Variants in FBXW8 observed in about 807,000 individuals in gnomAD.
FBXW8 encodes F-box/WD repeat-containing protein 8.
FBXW8 carries 57 observed loss-of-function variants against 65.3 expected under a neutral mutation model. The observed-to-expected ratio is 0.87, with a 90% CI of 0.71 to 1.09. FBXW8 has a LOEUF of 1.09. Among genes scored for constraint, FBXW8 ranks in the 50% least tolerant of loss-of-function variants. The probability of loss-of-function intolerance (pLI) is 0.00; values close to 1 mark genes in which losing one functional copy is unlikely to be tolerated. For missense variants in FBXW8, 777 were observed against 814.8 expected (o/e 0.95, Z 0.57); for synonymous variants, 308 against 330.2 (o/e 0.93, Z 0.73).
Position 116,947,044 on chromosome 12 carries a change from C to T in FBXW8, c.588+1516C>T, listed in dbSNP as rs182244386. 7.2e-5 allele frequency among the ~76,000 whole-genome samples: 11 copies of T among 152,144 alleles called. No individual in the cohort carries two copies. The East Asian group carries it at 1.9e-3, about 27-fold the overall frequency. On this transcript the variant is annotated intron_variant, in intron 3 of 10. Coordinates refer to ENST00000652555, the MANE Select transcript of FBXW8 (RefSeq NM_153348.3). ...AAAGCAGCAGCTGTGTTTTTTGCTTCCTCTTTGGTGATAGAGAAAGCAAGG... is the reference window on the plus strand; with the variant it reads ...AAAGCAGCAGCTGTGTTTTTTGCTTTCTCTTTGGTGATAGAGAAAGCAAGG...
chr12:116,917,002 C>A (rs545610412), intron 1 of FBXW8, among the ~76,000 whole-genome samples: 2 of 151,964 alleles, frequency 1.3e-5, no homozygotes, highest in Admixed American at 6.6e-5. Context: ...CTCAGAGTTA[C>A]AAGAGCAGCA....
chr12:117,023,459 C>T (rs977970824), intron 8 of FBXW8, among the ~76,000 whole-genome samples: 3 of 152,056 alleles, frequency 2.0e-5, no homozygotes, highest in South Asian at 2.1e-4. Flanking sequence ...GTAGTGGATA[C>T]GAGATTTCTG....
chr12:116,939,813 A>G (rs545387636), intron 2 of FBXW8, among the ~76,000 whole-genome samples: 1 of 152,266 alleles, frequency 6.6e-6, no homozygotes, highest in South Asian at 2.1e-4. Context: ...CTCTGGGACT[A>G]CTCAGGTTGT....
chr12:116,994,124 G>A (rs1953317296), intron 7 of FBXW8, among the ~76,000 whole-genome samples: 1 of 152,108 alleles, frequency 6.6e-6, no homozygotes, highest in Non-Finnish European at 1.5e-5. Context: ...ATACTACAAG[G>A]CTATAGTAAT....
At chr12:116,930,605 T>G (rs997313861) in intron 2 of FBXW8, among the ~76,000 whole-genome samples, 14 of 152,190 alleles carry the variant, frequency 9.2e-5, no homozygotes, top group African/African-American at 3.4e-4. Flanking sequence ...TGTCTCTGTA[T>G]TCTGTTGATT....
chr12:116,955,921 C>T (rs1339662777), intron 4 of FBXW8, among the ~76,000 whole-genome samples: 1 of 152,164 alleles, frequency 6.6e-6, no homozygotes, highest in South Asian at 2.1e-4. Context: ...CCTTGGAGGC[C>T]TTGTGCCAGC....
chr12:117,028,180 C>T lies in FBXW8; in HGVS notation c.*8C>T. 6.2e-7 allele frequency: 1 copy of T among 1,613,132 alleles called. No homozygotes were observed. The stretch of plus-strand genomic sequence containing the variant: ...CCCTATAACCATGTTTAGGGATGTG[C>T]CTCAGTTGGGAGCAAGGAGAAAAAT... On this transcript the variant is annotated 3_prime_UTR_variant, in exon 11 of 11. Transcript: ENST00000652555. This position sits in a 1 kb window ranked among gnomAD's most constrained non-coding sequence, Gnocchi z 4.1.
At chr12:116,920,254 C>CTG (rs1174193361) in intron 1 of FBXW8, among the ~76,000 whole-genome samples, 1 of 152,170 alleles carries the variant, frequency 6.6e-6, no homozygotes, top group African/African-American at 2.4e-5. Context: ...GAAATGATGC[C>CTG]TGTGTATACT....
rs1190843095 is a variant in FBXW8, at chr12:117,029,011, GAAC to G, written c.*840_*842del. ...CAGAATATCAAAGCGAAAACTGATA[GAAC>G]TACAAAGAGAAATAAAATCCATTCT... On this transcript the variant is annotated 3_prime_UTR_variant, in exon 11 of 11. Coordinates refer to ENST00000652555, the MANE Select transcript of FBXW8 (RefSeq NM_153348.3). The G allele has an allele frequency of 3.9e-5, 6 of 152,120 alleles. No homozygotes were observed. The highest frequency in any genetic ancestry group is 1.4e-4 in the African/African-American group (6 of 41,434). 9.4% of individuals were successfully genotyped at this position (152,120 alleles called of 1,614,324 possible).
rs1883985536 is a variant in FBXW8, at chr12:116,961,590, T to G, written c.678-3107T>G. Among the ~76,000 whole-genome samples the G allele has an allele frequency of 6.6e-6, 1 of 152,220 alleles. No individual in the cohort carries two copies. The highest frequency in any genetic ancestry group is 1.5e-5 in the Non-Finnish European group (1 of 68,046). ...AGATGTAAGACTTTATAGAGGGTTC[T>G]CTGGGTATATGGCAAGCGCTGTTCT... is the stretch of plus-strand genomic sequence containing the variant. On this transcript the variant is annotated intron_variant, in intron 4 of 10. Coordinates refer to ENST00000652555, the MANE Select transcript of FBXW8 (RefSeq NM_153348.3). The surrounding 1 kb of genome is among the most constrained non-coding windows in gnomAD (Gnocchi z 4.4).
intron 4 of FBXW8, among the ~76,000 whole-genome samples, chr12:116,954,856 C>G (rs1883533622): frequency 6.6e-6 from 1 of 152,174 alleles, no homozygotes; most frequent in African/African-American, 2.4e-5. Flanking sequence ...CCCGTGCCTC[C>G]TGCCCCTCTT....
chr12:116,926,026 A>G (rs10735099), intron 1 of FBXW8, among the ~76,000 whole-genome samples: 102,912 of 152,150 alleles, frequency 0.68, 39,741 homozygotes, highest in Non-Finnish European at 0.84. Context: ...ATTGTCTTCC[A>G]TGATGAGGAT....
intron 4 of FBXW8, 119 bp from the exon 5 acceptor site, chr12:116,964,578 C>T (rs1357693620): frequency 8.9e-6 from 10 of 1,125,826 alleles, no homozygotes; most frequent in Non-Finnish European, 1.3e-5. Flanking sequence ...AGTGCCTCAG[C>T]AGTGGCTCTA....
At position 117,024,109 on chromosome 12, in the gene FBXW8, C is replaced by T. The variant is rs148744552; in HGVS notation, c.1368-38C>T. The T allele has an allele frequency of 6.4e-4, 1,020 of 1,599,272 alleles. 13 individuals carry two copies. The East Asian group carries it at 0.023, about 36-fold the overall frequency. ...TTGTCATTTGAAGCTTTGACTCTAA[C>T]CCCATTTCCCTTCTCTGCTCTTCCT... On this transcript the variant is annotated intron_variant, in intron 8 of 10. Transcript: ENST00000652555.
chr12:116,919,613 C>T (rs139477242), intron 1 of FBXW8, among the ~76,000 whole-genome samples: 198 of 152,318 alleles, frequency 1.3e-3, no homozygotes, highest in South Asian at 2.7e-3. Flanking sequence ...TTGTGAATCC[C>T]TGGAGGGCAG....
chr12:116,918,997 A>G (rs1057034201), intron 1 of FBXW8, among the ~76,000 whole-genome samples: 4 of 152,198 alleles, frequency 2.6e-5, no homozygotes, highest in Non-Finnish European at 4.4e-5. Context: ...GAGCAATGAT[A>G]AAGTTTATAA....
chr12:116,981,773 C>G (rs1170332088), intron 5 of FBXW8, among the ~76,000 whole-genome samples: 1 of 152,086 alleles, frequency 6.6e-6, no homozygotes, highest in African/African-American at 2.4e-5. Context: ...ACCACAATGA[C>G]TGGCTAATTT....
At chr12:117,003,319 C>G (rs1953586036) in intron 7 of FBXW8, among the ~76,000 whole-genome samples, 1 of 152,238 alleles carries the variant, frequency 6.6e-6, no homozygotes, top group Admixed American at 6.5e-5. Context: ...AAACACTGCA[C>G]AGGTATCCAA....
intron 3 of FBXW8, among the ~76,000 whole-genome samples, chr12:116,947,851 C>A (rs993178749): frequency 1.3e-5 from 2 of 152,014 alleles, no homozygotes; most frequent in African/African-American, 4.8e-5. Context: ...CTAGGAGTGG[C>A]ACTGCTCATG....
Sources: allele counts gnomAD v4.1 joint callset (sites outside exome capture counted in the v4.1 genomes callset), GRCh38; gene constraint gnomAD v4.1.1; non-coding constraint Gnocchi (gnomAD v3.1); transcripts MANE v1.5; gene names NCBI Gene and HGNC (gene_info 2026-07-23, HGNC 2026-07-21).